The following CPNE2 variants were observed in gnomAD, a reference collection of about 807,000 sequenced individuals.
The protein encoded by CPNE2 is copine 2.
In CPNE2, 42 loss-of-function variants were observed where a neutral mutation model predicts 69.7. That is an observed-to-expected ratio of 0.60 (90% CI 0.47 to 0.78). CPNE2 has a LOEUF of 0.78. Among genes scored for constraint, CPNE2 ranks in the 30% least tolerant of loss-of-function variants. The pLI is 0.00. For synonymous variants in CPNE2, 294 were observed against 289.8 expected, an observed-to-expected ratio of 1.01 and a Z score of -0.15; for missense variants, 587 against 732.0, an observed-to-expected ratio of 0.80 and a Z score of 2.29.
chr16:57,111,182 C>CT (rs5817089), intron 2 of CPNE2, among the ~76,000 whole-genome samples: 25,902 of 138,092 alleles, frequency 0.19, 2,513 homozygotes, highest in Admixed American at 0.24. Flanking sequence ...TATTTGATAT[C>CT]TTTTTTTTTT....
chr16:57,116,298 T>G (rs2069718789), intron 4 of CPNE2, among the ~76,000 whole-genome samples: 1 of 152,138 alleles, frequency 6.6e-6, no homozygotes, highest in Non-Finnish European at 1.5e-5. Context: ...TAGCATATCC[T>G]GAACATACCT....
Position 57,146,429 on chromosome 16 carries a change from C to T in CPNE2, c.1539+108C>T, listed in dbSNP as rs2069959122. 8 of 955,978 alleles carry T rather than the reference C, an allele frequency of 8.4e-6. No individual in the cohort carries two copies. The highest frequency in any genetic ancestry group is 1.1e-5 in the Non-Finnish European group (7 of 642,886). 59.2% of individuals were successfully genotyped at this position (955,978 alleles called of 1,614,324 possible). On this transcript the variant is annotated intron_variant, in intron 15 of 15. Coordinates refer to ENST00000290776, the MANE Select transcript of CPNE2 (RefSeq NM_152727.6). This position sits in a 1 kb window ranked among gnomAD's most constrained non-coding sequence, Gnocchi z 4.4. ...TTGTCTGGCCCAATCCTAGACTTCTCCACTCCATTGACTATGCTCTTCTGA... is the reference window on the plus strand; with the variant it reads ...TTGTCTGGCCCAATCCTAGACTTCTTCACTCCATTGACTATGCTCTTCTGA...
chr16:57,124,022 C>CCTCA (rs2069781947), intron 10 of CPNE2: 1 of 176,030 alleles, frequency 5.7e-6, no homozygotes. Flanking sequence ...GCCCTCCCTC[C>CCTCA]CTCAATGCCT....
intron 10 of CPNE2, 47 bp from the exon 11 acceptor site, chr16:57,125,813 G>A (rs368278934): frequency 2.6e-5 from 42 of 1,611,248 alleles, no homozygotes; most frequent in Non-Finnish European, 3.3e-5. Flanking sequence ...GGGATAGGGT[G>A]CTGGGGTCTC....
chr16:57,098,592 G>C (rs1370288531), intron 1 of CPNE2, among the ~76,000 whole-genome samples: 1 of 152,184 alleles, frequency 6.6e-6, no homozygotes, highest in Non-Finnish European at 1.5e-5. Context: ...AAGTCTTTTA[G>C]CTCTGAGACT....
chr16:57,142,373 G>GC (rs2069928457), intron 14 of CPNE2: 1 of 152,424 alleles, frequency 6.6e-6, no homozygotes, highest in South Asian at 2.1e-4. Context: ...GAGTGTCTCA[G>GC]GCGGAGGGAA....
Position 57,118,659 on chromosome 16 carries a change from T to TGGAC in CPNE2, c.508-533_508-532insCGGA, listed in dbSNP as rs1342129795. ...TAGTGAGACCCCATAGATGGATGGA[T>TGGAC]GGATGGATGGATGGATGGATGGATG... On this transcript the variant is annotated intron_variant, in intron 5 of 15. Transcript: ENST00000290776. Among the ~76,000 whole-genome samples, 5 of 150,302 alleles carry TGGAC rather than the reference T, an allele frequency of 3.3e-5. No homozygotes were observed. The East Asian group carries it at 9.8e-4, about 29-fold the overall frequency.
At chr16:57,111,917 G>A (rs1200384015) in intron 2 of CPNE2, among the ~76,000 whole-genome samples, 1 of 152,230 alleles carries the variant, frequency 6.6e-6, no homozygotes, top group African/African-American at 2.4e-5. Context: ...AGTAAATGTA[G>A]AGAATCCAGA....
intron 1 of CPNE2, among the ~76,000 whole-genome samples, chr16:57,108,984 G>A (rs1234742977): frequency 6.6e-6 from 1 of 152,158 alleles, no homozygotes; most frequent in Admixed American, 6.5e-5. Flanking sequence ...AGTATATACT[G>A]GATGCTTCCT....
intron 2 of CPNE2, among the ~76,000 whole-genome samples, chr16:57,112,250 G>T (rs2069685958): frequency 6.6e-6 from 1 of 152,106 alleles, no homozygotes; most frequent in Non-Finnish European, 1.5e-5. Flanking sequence ...GCTTGTTGAT[G>T]GTACAACTGT....
intron 2 of CPNE2, among the ~76,000 whole-genome samples, chr16:57,112,564 T>C (rs2069688457): frequency 6.6e-6 from 1 of 152,090 alleles, no homozygotes; most frequent in Admixed American, 6.5e-5. Context: ...GGCCCCAAAA[T>C]AGACTGTCAC....
intron 1 of CPNE2, 53 bp from the exon 2 acceptor site, chr16:57,110,655 G>A (rs1415612329): frequency 8.3e-7 from 1 of 1,203,832 alleles, no homozygotes; most frequent in Admixed American, 3.5e-5. Context: ...CCTATGGTGG[G>A]GCAGCATAGC....
intron 2 of CPNE2, chr16:57,113,061 A>C: frequency 4.2e-6 from 2 of 476,278 alleles, no homozygotes; most frequent in Non-Finnish European, 3.8e-6. Flanking sequence ...CTCGGTTTCA[A>C]ATCTCGGCCC....
intron 1 of CPNE2, among the ~76,000 whole-genome samples, chr16:57,095,818 C>A (rs2145229335): frequency 6.6e-6 from 1 of 152,368 alleles, no homozygotes; most frequent in Middle Eastern, 3.4e-3. Context: ...TGCAATGAGA[C>A]TGACTAGTGA....
At chr16:57,095,521 G>A (rs530092875) in intron 1 of CPNE2, among the ~76,000 whole-genome samples, 44 of 152,018 alleles carry the variant, frequency 2.9e-4, no homozygotes, top group African/African-American at 9.7e-4. Flanking sequence ...CACACAGGCC[G>A]GAGTGCACTG....
intron 14 of CPNE2, chr16:57,145,744 G>A (rs1296751560): frequency 3.4e-6 from 1 of 296,376 alleles, no homozygotes; most frequent in Non-Finnish European, 6.4e-6. Flanking sequence ...TACGAGTCAA[G>A]TCAGTTGCCT....
intron 3 of CPNE2, among the ~76,000 whole-genome samples, chr16:57,113,841 C>T (rs1474919702): frequency 6.6e-6 from 1 of 152,222 alleles, no homozygotes; most frequent in African/African-American, 2.4e-5. Flanking sequence ...CTCTCTGGGC[C>T]ACACTTCCCC....
chr16:57,141,928 T>C (rs1295842796), intron 14 of CPNE2: 2 of 152,246 alleles, frequency 1.3e-5, no homozygotes, highest in Non-Finnish European at 2.9e-5. Flanking sequence ...CCCCTGATGC[T>C]TTTGTCAGCC....
At chr16:57,129,883 G>A (rs1289957005) in intron 12 of CPNE2, among the ~76,000 whole-genome samples, 2 of 152,106 alleles carry the variant, frequency 1.3e-5, no homozygotes, top group African/African-American at 4.8e-5. Flanking sequence ...AGAGAGACCT[G>A]GCCACCTGGG....
Sources: allele counts gnomAD v4.1 joint callset (sites outside exome capture counted in the v4.1 genomes callset), GRCh38; gene constraint gnomAD v4.1.1; non-coding constraint Gnocchi (gnomAD v3.1); transcripts MANE v1.5; gene names NCBI Gene and HGNC (gene_info 2026-07-23, HGNC 2026-07-21).